The following BAZ2B variants were observed in gnomAD, a reference collection of about 807,000 sequenced individuals.
BAZ2B encodes the protein bromodomain adjacent to zinc finger domain 2B, also known as bromodomain adjacent to zinc finger domain protein 2B.
Under a neutral mutation model 246.0 loss-of-function variants are expected in BAZ2B, and 91 were observed. The ratio of observed to expected loss-of-function variants is 0.37; its 90% CI spans 0.31 to 0.44. The LOEUF is 0.44. BAZ2B is among the 20% of genes least tolerant of loss of function. The probability of loss-of-function intolerance (pLI) is 1.00; values close to 1 mark genes in which losing one functional copy is unlikely to be tolerated. For synonymous variants in BAZ2B, 855 were observed against 860.0 expected, an observed-to-expected ratio of 0.99 and a Z score of 0.10; for missense variants, 2,332 against 2,533.7, an observed-to-expected ratio of 0.92 and a Z score of 1.71.
At chr2:159,323,898 G>A (rs796181215) in intron 36 of BAZ2B, among the ~76,000 whole-genome samples, 3 of 151,180 alleles carry the variant, frequency 2.0e-5, no homozygotes, top group African/African-American at 2.4e-5. Context: ...TCATTTAAAC[G>A]CTTCCTTAAC....
chr2:159,557,466 A>T (rs1312381331), intron 1 of BAZ2B, among the ~76,000 whole-genome samples: 1 of 152,124 alleles, frequency 6.6e-6, no homozygotes, highest in Admixed American at 6.5e-5. Context: ...ACCATGTTCC[A>T]GTCACAATCA....
chr2:159,545,348 T>C (rs1385831836), intron 2 of BAZ2B, among the ~76,000 whole-genome samples: 1 of 152,188 alleles, frequency 6.6e-6, no homozygotes. Flanking sequence ...AATCATTCAT[T>C]CTCTGTCGCC....
At chr2:159,362,164 TG>T (rs1380602850) in intron 27 of BAZ2B, among the ~76,000 whole-genome samples, 1 of 60,154 alleles carries the variant, frequency 1.7e-5, no homozygotes, top group Non-Finnish European at 6.1e-5. Context: ...TGAACTGGAC[TG>T]GAAAAAAAAA....
chr2:159,617,009 C>T (rs1696172296), upstream of BAZ2B: 1 of 152,046 alleles, frequency 6.6e-6, no homozygotes, highest in African/African-American at 2.4e-5. Flanking sequence ...AATTCTACTG[C>T]CTTTCCACGG....
intron 3 of BAZ2B, among the ~76,000 whole-genome samples, chr2:159,475,114 G>A (rs62173235): frequency 0.032 from 4,889 of 152,150 alleles, 95 homozygotes; most frequent in African/African-American, 0.054. Flanking sequence ...TGCTAGCTTG[G>A]GGAAATTCTC....
intron 4 of BAZ2B, among the ~76,000 whole-genome samples, chr2:159,450,493 T>C (rs547228101): frequency 6.6e-6 from 1 of 152,152 alleles, no homozygotes; most frequent in South Asian, 2.1e-4. Flanking sequence ...TAAGATCAGT[T>C]AAATAAAAAG....
At chr2:159,539,664 C>A (rs888512841) in intron 2 of BAZ2B, among the ~76,000 whole-genome samples, 79 of 152,120 alleles carry the variant, frequency 5.2e-4, no homozygotes, top group African/African-American at 1.8e-3. Flanking sequence ...CTGCTTGAGC[C>A]CAGGAGTTCA....
intron 6 of BAZ2B, among the ~76,000 whole-genome samples, chr2:159,446,265 G>C (rs150541312): frequency 6.6e-6 from 1 of 152,322 alleles, no homozygotes; most frequent in African/African-American, 2.4e-5. Context: ...GCAATAAATT[G>C]ATAACTTGCA....
At chr2:159,440,944 G>A (rs144938060) in intron 6 of BAZ2B, among the ~76,000 whole-genome samples, 5 of 152,144 alleles carry the variant, frequency 3.3e-5, no homozygotes, top group South Asian at 4.2e-4. Flanking sequence ...AGACAGGAAC[G>A]AGAAACTGAA....
the BAZ2B span, among the ~76,000 whole-genome samples, chr2:159,628,601 A>G: frequency 0.073 from 11,075 of 152,288 alleles, 511 homozygotes; most frequent in East Asian, 0.14. Flanking sequence ...TGGTGTTGGG[A>G]AAACTGGCTA....
intron 1 of BAZ2B, among the ~76,000 whole-genome samples, chr2:159,577,636 G>C (rs1311997687): frequency 2.0e-5 from 3 of 152,236 alleles, no homozygotes; most frequent in Admixed American, 6.5e-5. Context: ...CCTAAGATTA[G>C]AGAAACCTGA....
intron 1 of BAZ2B, among the ~76,000 whole-genome samples, chr2:159,588,214 CAAAA>C (rs556237766): frequency 5.5e-5 from 6 of 109,220 alleles, no homozygotes; most frequent in Non-Finnish European, 5.7e-5. Context: ...GACCCTGCAT[CAAAA>C]AAAAAAAAAA....
At chr2:159,397,069 CA>C in intron 19 of BAZ2B, 1 of 1,403,712 alleles carries the variant, frequency 7.1e-7, no homozygotes. Flanking sequence ...TAAACATACC[CA>C]TACCATATCT....
intron 1 of BAZ2B, among the ~76,000 whole-genome samples, chr2:159,577,785 T>C (rs1315883377): frequency 6.6e-6 from 1 of 151,922 alleles, no homozygotes; most frequent in African/African-American, 2.4e-5. Context: ...GGTACCTTAA[T>C]GGGAAGGAGA....
At chr2:159,702,727 A>G in the BAZ2B span, among the ~76,000 whole-genome samples, 1 of 152,120 alleles carries the variant, frequency 6.6e-6, no homozygotes, top group Non-Finnish European at 1.5e-5. Flanking sequence ...TAGGACCCCC[A>G]ATACGCAAAA....
At chr2:159,632,943 T>C in the BAZ2B span, among the ~76,000 whole-genome samples, 6 of 152,186 alleles carry the variant, frequency 3.9e-5, no homozygotes, top group Non-Finnish European at 7.3e-5. Context: ...ATTGCAACCA[T>C]AGATTGGCTA....
At chr2:159,440,797 C>A (rs1012630667) in intron 6 of BAZ2B, among the ~76,000 whole-genome samples, 19 of 152,222 alleles carry the variant, frequency 1.2e-4, no homozygotes, top group African/African-American at 4.3e-4. Flanking sequence ...GTGTGAGCCA[C>A]CACATCTGGC....
chr2:159,453,916 A>G (rs1420230467), intron 3 of BAZ2B, 115 bp from the exon 4 acceptor site: 2 of 932,972 alleles, frequency 2.1e-6, no homozygotes, highest in African/African-American at 3.4e-5. Flanking sequence ...TTTTTATTTT[A>G]CCCTTTTCCT....
chr2:159,618,359 T>C (rs147159582), upstream of BAZ2B, among the ~76,000 whole-genome samples: 27 of 152,314 alleles, frequency 1.8e-4, no homozygotes, highest in African/African-American at 6.3e-4. Flanking sequence ...AACTACCTAA[T>C]AACTGTAATA....
Sources: gnomAD v4.1 joint callset for allele counts (sites outside exome capture counted in the v4.1 genomes callset) on GRCh38, gnomAD v4.1.1 for gene constraint, MANE v1.5 for transcripts, NCBI Gene and HGNC (gene_info 2026-07-23, HGNC 2026-07-21) for gene names.